The following LY86 variants were observed in gnomAD, a reference collection of about 807,000 sequenced individuals.
LY86 encodes the protein MD-1, RP105-associated.
A neutral mutation model predicts 17.3 loss-of-function variants in LY86; 20 were observed. That is an observed-to-expected ratio of 1.15 (90% CI 0.81 to 1.68). LY86 has a LOEUF of 1.68. LY86 is among the 40% of genes most tolerant of loss of function. The pLI is 0.00. For synonymous variants in LY86, 74 were observed against 70.6 expected (o/e 1.05, Z -0.24); for missense variants, 200 against 191.9 (o/e 1.04, Z -0.25).
At chr6:6,623,948 C>A (rs1478723558) in intron 1 of LY86, among the ~76,000 whole-genome samples, 1 of 152,208 alleles carries the variant, frequency 6.6e-6, no homozygotes, top group African/African-American at 2.4e-5. Context: ...TGTTTGTACA[C>A]TTTACCAAGA....
chr6:6,603,615 C>CAAAAAAAAAAAAAAAAAAAAAAAAAA (rs1221531073), intron 1 of LY86, among the ~76,000 whole-genome samples: 1 of 114,176 alleles, frequency 8.8e-6, no homozygotes, highest in Non-Finnish European at 1.7e-5. Flanking sequence ...GAAAAAAAAA[C>CAAAAAAAAAAAAAAAAAAAAAAAAAA]AAACAAAAAA....
chr6:6,606,354 G>C (rs558510683), intron 1 of LY86, among the ~76,000 whole-genome samples: 2 of 152,136 alleles, frequency 1.3e-5, no homozygotes, highest in African/African-American at 2.4e-5. Flanking sequence ...AATCCCTTAG[G>C]TAGACATAAA....
In LY86 at chr6:6,649,629, G is replaced by A. The variant is rs779087389; in HGVS notation, c.357G>A (p.Gln119=). ...FSFCGRRKGE[Q]IYYAGPVNNP... ...ATGCTTTATATATTTTTTCAGAGCA[G>A]ATTTACTATGCTGGGCCTGTCAATA... is the stretch of plus-strand genomic sequence containing the variant. The change falls in exon 4 of 5, where the codon CAG becomes CAA. Residue 119 remains glutamine (Q), a synonymous_variant. Transcript: ENST00000230568. 6 of 1,560,392 alleles carry A rather than the reference G, an allele frequency of 3.8e-6. No homozygotes were observed. In the South Asian group the frequency reaches 6.9e-5, roughly 18 times the overall value.
intron 3 of LY86, among the ~76,000 whole-genome samples, chr6:6,644,019 T>A (rs1282133519): frequency 3.3e-5 from 5 of 152,250 alleles, no homozygotes; most frequent in Admixed American, 2.6e-4. Flanking sequence ...CTAGGCATCA[T>A]AATTATAACT....
intron 1 of LY86, among the ~76,000 whole-genome samples, chr6:6,618,231 T>C (rs1244103179): frequency 2.0e-5 from 3 of 152,184 alleles, no homozygotes; most frequent in Non-Finnish European, 4.4e-5. Context: ...TGGCAAGATA[T>C]TTTGGGCAGA....
Position 6,588,755 on chromosome 6 carries a change from T to G in LY86, c.21T>G (p.Thr7=), listed in dbSNP as rs777550225. The G allele has an allele frequency of 6.2e-7, 1 of 1,614,004 alleles. No individual in the cohort carries two copies. The highest frequency in any genetic ancestry group is 1.3e-5 in the African/African-American group (1 of 74,936). Residue 7 remains threonine (T), a synonymous_variant, in exon 1 of 5, where the codon ACT becomes ACG. Transcript: ENST00000230568. MKGFTA[T]LFLWTLIFPS... Reference sequence around the variant, plus strand: ...CCACCATGAAGGGTTTCACAGCCACTCTCTTCCTCTGGACTCTGATTTTTC... The same window carrying G: ...CCACCATGAAGGGTTTCACAGCCACGCTCTTCCTCTGGACTCTGATTTTTC...
chr6:6,619,407 C>A (rs148484869), intron 1 of LY86, among the ~76,000 whole-genome samples: 1 of 152,352 alleles, frequency 6.6e-6, no homozygotes, highest in Non-Finnish European at 1.5e-5. Flanking sequence ...AGAACCCTAA[C>A]ACACCCCCCC....
intron 3 of LY86, among the ~76,000 whole-genome samples, chr6:6,630,261 G>A (rs1489936093): frequency 6.6e-6 from 1 of 152,208 alleles, no homozygotes; most frequent in Non-Finnish European, 1.5e-5. Context: ...GTAATATCCA[G>A]CGATATTTGG....
intron 3 of LY86, among the ~76,000 whole-genome samples, chr6:6,641,697 G>GCCA (rs1762043245): frequency 6.6e-6 from 1 of 152,016 alleles, no homozygotes; most frequent in Non-Finnish European, 1.5e-5. Flanking sequence ...GGTGGCTAGG[G>GCCA]CCACCACTAG....
At chr6:6,650,470 G>A (rs999239280) in intron 4 of LY86, among the ~76,000 whole-genome samples, 3 of 152,008 alleles carry the variant, frequency 2.0e-5, no homozygotes, top group Non-Finnish European at 1.5e-5. Flanking sequence ...AAGTAGCTTG[G>A]ACTACAGGCA....
intron 1 of LY86, among the ~76,000 whole-genome samples, chr6:6,615,296 G>A (rs1013316530): frequency 6.6e-6 from 1 of 152,172 alleles, no homozygotes; most frequent in African/African-American, 2.4e-5. Context: ...TCAACGTGCA[G>A]CCACATTAAG....
rs140709474 is a variant in LY86 at position 6,617,742 on chromosome 6, G to T, written c.137-7184G>T. On this transcript the variant is annotated intron_variant, in intron 1 of 4. Transcript: ENST00000230568. ...CCAGTTTCCTCTCACCTTCATGTTAGGATCCTATGCTATGTGGCGCCATGG... is the reference window on the plus strand; with the variant it reads ...CCAGTTTCCTCTCACCTTCATGTTATGATCCTATGCTATGTGGCGCCATGG... Among the ~76,000 whole-genome samples, 621 of 152,272 alleles carry T rather than the reference G, an allele frequency of 4.1e-3. 14 individuals are homozygous for T. Among genetic ancestry groups the T allele is most frequent in the Admixed American group, 0.036 (550 of 15,298 alleles).
At chr6:6,644,160 GC>G (rs747090089) in intron 3 of LY86, among the ~76,000 whole-genome samples, 28 of 152,230 alleles carry the variant, frequency 1.8e-4, no homozygotes, top group Non-Finnish European at 4.0e-4. Flanking sequence ...GGAGAGGGTT[GC>G]CTAAAAGAGT....
intron 3 of LY86, among the ~76,000 whole-genome samples, chr6:6,636,506 G>A (rs182560583): frequency 3.5e-4 from 53 of 152,332 alleles, no homozygotes; most frequent in Non-Finnish European, 2.9e-4. Context: ...CAGACTGGAA[G>A]TCTGCATTTT....
intron 1 of LY86, among the ~76,000 whole-genome samples, chr6:6,611,973 A>C (rs9405950): frequency 8.9e-6 from 1 of 111,786 alleles, no homozygotes; most frequent in South Asian, 2.9e-4. Context: ...ACTTGAAAGG[A>C]TATCTACCCC....
intron 1 of LY86, among the ~76,000 whole-genome samples, chr6:6,598,075 A>AT (rs1055290046): frequency 4.6e-5 from 7 of 152,240 alleles, no homozygotes; most frequent in African/African-American, 1.7e-4. Flanking sequence ...TAGTCGTCTT[A>AT]TATTGTATTT....
intron 3 of LY86, among the ~76,000 whole-genome samples, chr6:6,644,127 T>G (rs1762077683): frequency 6.6e-6 from 1 of 152,174 alleles, no homozygotes; most frequent in African/African-American, 2.4e-5. Flanking sequence ...TCCAGCAAGA[T>G]CCTAGCAAGG....
At chr6:6,620,195 G>A (rs1352062397) in intron 1 of LY86, among the ~76,000 whole-genome samples, 1 of 152,200 alleles carries the variant, frequency 6.6e-6, no homozygotes, top group African/African-American at 2.4e-5. Flanking sequence ...AATAAACTTT[G>A]TGGATTGTAT....
intron 1 of LY86, among the ~76,000 whole-genome samples, chr6:6,600,107 T>C (rs570129315): frequency 6.6e-6 from 1 of 152,228 alleles, no homozygotes; most frequent in East Asian, 1.9e-4. Context: ...CTTTATAATA[T>C]TGAGAAGATA....
Sources: gnomAD v4.1 joint callset for allele counts (sites outside exome capture counted in the v4.1 genomes callset) on GRCh38, gnomAD v4.1.1 for gene constraint, MANE v1.5 for transcripts, NCBI Gene and HGNC (gene_info 2026-07-23, HGNC 2026-07-21) for gene names.